Variants in STAU1 observed in about 807,000 individuals in gnomAD.
STAU1 encodes the protein staufen double-stranded RNA binding protein 1, also known as double-stranded RNA-binding protein Staufen homolog 1.
STAU1 carries 13 observed loss-of-function variants against 62.9 expected under a neutral mutation model. That is an observed-to-expected ratio of 0.21 (90% CI 0.13 to 0.33). The LOEUF (loss-of-function observed/expected upper bound fraction) is 0.33. STAU1 is among the 10% of genes least tolerant of loss of function. STAU1 has a pLI of 1.00. For synonymous variants in STAU1, 269 were observed against 265.1 expected (o/e 1.01, Z -0.14); for missense variants, 571 against 712.1 (o/e 0.80, Z 2.25).
chr20:49,120,167 C>CAGTG (rs2092432648), intron 8 of STAU1, 39 bp from the exon 9 acceptor site: 1 of 1,575,808 alleles, frequency 6.3e-7, no homozygotes. Context: ...GTGCTTAAAC[C>CAGTG]TTCAGAATAA....
intron 6 of STAU1, among the ~76,000 whole-genome samples, chr20:49,129,485 G>A (rs1388867102): frequency 2.6e-5 from 4 of 151,224 alleles, no homozygotes; most frequent in Non-Finnish European, 4.4e-5. Flanking sequence ...AAGGGGTTAC[G>A]CTATGTTGGC....
At chr20:49,140,389 A>G (rs2092983141) in intron 5 of STAU1, among the ~76,000 whole-genome samples, 2 of 152,220 alleles carry the variant, frequency 1.3e-5, no homozygotes, top group Non-Finnish European at 2.9e-5. Flanking sequence ...CACAATAGCC[A>G]GAAGGTAAAA....
intron 5 of STAU1, among the ~76,000 whole-genome samples, chr20:49,144,766 G>A (rs909012752): frequency 6.6e-6 from 1 of 152,144 alleles, no homozygotes; most frequent in African/African-American, 2.4e-5. Context: ...ATAAAAGAAG[G>A]TGTCATCATG....
the STAU1 span, among the ~76,000 whole-genome samples, chr20:49,197,074 G>T: frequency 6.6e-6 from 1 of 151,910 alleles, no homozygotes. Flanking sequence ...AGAATAGCTT[G>T]AACGCGGGAG....
chr20:49,162,300 A>G (rs2093460495), intron 3 of STAU1, among the ~76,000 whole-genome samples: 1 of 152,238 alleles, frequency 6.6e-6, no homozygotes, highest in Non-Finnish European at 1.5e-5. Flanking sequence ...TAAATCCCAG[A>G]GGACGGAAAC....
intron 6 of STAU1, among the ~76,000 whole-genome samples, chr20:49,129,278 AAATTTTTTT>A (rs1451001979): frequency 8.8e-4 from 67 of 76,120 alleles, no homozygotes; most frequent in African/African-American, 4.1e-3. Context: ...CTTTAAAAAA[AAATTTTTTT>A]TTTTTTTTTT....
the STAU1 span, among the ~76,000 whole-genome samples, chr20:49,217,933 G>C: frequency 6.6e-6 from 1 of 151,636 alleles, no homozygotes; most frequent in African/African-American, 2.4e-5. Flanking sequence ...GAGTGCAATG[G>C]TGTGATCTCA....
Position 49,175,798 on chromosome 20 carries a change from CT to C in STAU1, c.-159-1530del, listed in dbSNP as rs386393906. On this transcript the variant is annotated intron_variant, in intron 1 of 13. Transcript: ENST00000371856. ...GCCACCACACCCAACCTCATAATGCCTTTTTTTTTTTTTTTTGAGACGGAGT... is the reference window on the plus strand; with the variant it reads ...GCCACCACACCCAACCTCATAATGCCTTTTTTTTTTTTTTTGAGACGGAGT... 7.3e-4 allele frequency among the ~76,000 whole-genome samples: 77 copies of C among 104,820 alleles called. 1 individual carries two copies. Among genetic ancestry groups the C allele is most frequent in the East Asian group, 4.7e-3 (17 of 3,586 alleles). The allele number at this position is 104,820 out of a possible 152,430, so 68.8% of individuals were successfully genotyped here. A position where few individuals can be genotyped will look rare whatever the true frequency, so the allele number is the denominator to read the frequency against.
chr20:49,172,989 C>T (rs1568926601), intron 2 of STAU1, among the ~76,000 whole-genome samples: 1 of 127,818 alleles, frequency 7.8e-6, no homozygotes, highest in Non-Finnish European at 1.8e-5. Flanking sequence ...GCCATTCTCC[C>T]GCCCCCCAAC....
intron 5 of STAU1, among the ~76,000 whole-genome samples, chr20:49,145,285 G>C (rs1259116706): frequency 2.6e-5 from 4 of 151,510 alleles, no homozygotes; most frequent in African/African-American, 9.7e-5. Context: ...TTAGCCGGCG[G>C]TAGTGGCACG....
At chr20:49,195,919 AAAAAAG>A in the STAU1 span, among the ~76,000 whole-genome samples, 29 of 76,264 alleles carry the variant, frequency 3.8e-4, no homozygotes, top group South Asian at 5.9e-3. Flanking sequence ...AAAAAAAAAG[AAAAAAG>A]AAAAAAAAAA....
intron 6 of STAU1, among the ~76,000 whole-genome samples, chr20:49,130,937 CAA>C (rs757539113): frequency 4.1e-5 from 5 of 122,788 alleles, no homozygotes; most frequent in Non-Finnish European, 3.5e-5. Context: ...GACTCCGTCT[CAA>C]AAAAAAAAAA....
the STAU1 span, among the ~76,000 whole-genome samples, chr20:49,214,128 C>T: frequency 6.6e-6 from 1 of 152,200 alleles, no homozygotes; most frequent in African/African-American, 2.4e-5. Flanking sequence ...AGGGAAATTG[C>T]TTGAACCCAG....
intron 5 of STAU1, among the ~76,000 whole-genome samples, chr20:49,140,975 ATC>A (rs1487734356): frequency 5.2e-5 from 7 of 135,366 alleles, no homozygotes; most frequent in Non-Finnish European, 1.6e-5. Context: ...TTAATAGATG[ATC>A]TGTTTAAAAA....
At chr20:49,126,191 A>T (rs2145911730) in intron 6 of STAU1, among the ~76,000 whole-genome samples, 1 of 151,992 alleles carries the variant, frequency 6.6e-6, no homozygotes, top group Non-Finnish European at 1.5e-5. Flanking sequence ...AGAGGGAAAA[A>T]AAAAAGTCAC....
intron 2 of STAU1, among the ~76,000 whole-genome samples, chr20:49,171,284 T>C (rs1477634669): frequency 2.0e-5 from 3 of 152,324 alleles, no homozygotes; most frequent in Middle Eastern, 6.8e-3. Flanking sequence ...TCATTCCTTA[T>C]ACCAGTTATT....
Position 49,117,889 on chromosome 20 carries a change from G to A in STAU1, c.1397C>T (p.Pro466Leu). 6.2e-7 allele frequency: 1 copy of A among 1,614,146 alleles called. No homozygotes were observed. The highest frequency in any genetic ancestry group is 8.5e-7 in the Non-Finnish European group (1 of 1,180,034). ...ATTCTTTAAAATGGTCTCGGCTGTG[G>A]GCGAGGTGCCCCCATACAACAACTC... ...ARELLYGGTSPTAETILKNNI... is the reference protein window; with the variant it reads ...ARELLYGGTSLTAETILKNNI... The change falls in exon 11 of 14, where the codon CCC becomes CTC. Residue 466 changes from proline (P) to leucine (L), a missense_variant. Physicochemically the swap from Pro to Leu is moderately conservative, Grantham distance 98 (BLOSUM62 -3). This residue lies in a region of STAU1 where 156 missense variants were observed against 194.7 expected (regional missense o/e 0.80). Transcript: ENST00000371856. This position sits in a 1 kb window ranked among gnomAD's most constrained non-coding sequence, Gnocchi z 4.6.
chr20:49,206,456 C>T, the STAU1 span, among the ~76,000 whole-genome samples: 28 of 106,874 alleles, frequency 2.6e-4, no homozygotes, highest in Non-Finnish European at 4.3e-4. Flanking sequence ...GAGTCTTGCT[C>T]TGTCGCCCAG....
At chr20:49,140,351 T>C (rs2092982200) in intron 5 of STAU1, among the ~76,000 whole-genome samples, 1 of 152,152 alleles carries the variant, frequency 6.6e-6, no homozygotes, top group Non-Finnish European at 1.5e-5. Context: ...TGAACACATT[T>C]TTATACACCA....
Sources: allele counts gnomAD v4.1 joint callset (sites outside exome capture counted in the v4.1 genomes callset), GRCh38; gene constraint gnomAD v4.1.1; regional missense constraint gnomAD v4.1.1; non-coding constraint Gnocchi (gnomAD v3.1); transcripts MANE v1.5; gene names NCBI Gene and HGNC (gene_info 2026-07-23, HGNC 2026-07-21).